The following TMCO4 variants were observed in gnomAD, a reference collection of about 807,000 sequenced individuals.
The protein encoded by TMCO4 is transmembrane and coiled-coil domains 4.
TMCO4 carries 58 observed loss-of-function variants against 64.7 expected under a neutral mutation model. The ratio of observed to expected loss-of-function variants is 0.90; its 90% CI spans 0.73 to 1.12. The LOEUF is 1.12. TMCO4 is among the 50% of genes most tolerant of loss of function. TMCO4 has a pLI of 0.00. For synonymous variants in TMCO4, 325 were observed against 346.1 expected, an observed-to-expected ratio of 0.94 and a Z score of 0.68; for missense variants, 780 against 825.9, an observed-to-expected ratio of 0.94 and a Z score of 0.68.
chr1:19,755,887 C>A, intron 6 of TMCO4, 121 bp from the exon 7 acceptor site: 5 of 1,142,222 alleles, frequency 4.4e-6, no homozygotes, highest in South Asian at 1.5e-5. Context: ...CCATGGGAGC[C>A]AGTCAATGAA....
intron 3 of TMCO4, among the ~76,000 whole-genome samples, chr1:19,784,564 C>T (rs964766700): frequency 6.6e-6 from 1 of 152,062 alleles, no homozygotes; most frequent in Non-Finnish European, 1.5e-5. Context: ...AAGCTAAACT[C>T]AGACCAAATT....
chr1:19,766,906 G>A (rs1353729658), intron 6 of TMCO4, among the ~76,000 whole-genome samples: 1 of 152,144 alleles, frequency 6.6e-6, no homozygotes, highest in African/African-American at 2.4e-5. Context: ...TGATTTGAGG[G>A]TCTACCTACC....
chr1:19,781,278 T>C (rs2043462596), intron 3 of TMCO4, among the ~76,000 whole-genome samples: 1 of 150,350 alleles, frequency 6.7e-6, no homozygotes, highest in African/African-American at 2.4e-5. Flanking sequence ...CTGGGCAACA[T>C]AGTGAGACTC....
intron 2 of TMCO4, among the ~76,000 whole-genome samples, chr1:19,797,361 G>A (rs2044357459): frequency 6.6e-6 from 1 of 152,150 alleles, no homozygotes; most frequent in Non-Finnish European, 1.5e-5. Flanking sequence ...GCTAAAATGT[G>A]AAGAATGAGA....
intron 7 of TMCO4, among the ~76,000 whole-genome samples, chr1:19,751,839 G>A (rs972052896): frequency 2.0e-5 from 3 of 152,110 alleles, no homozygotes; most frequent in Non-Finnish European, 4.4e-5. Flanking sequence ...ACGAGGTCAG[G>A]AGATCGAGAC....
rs1279681241 is a variant in TMCO4, at chr1:19,734,501, C to T, written c.1264+2871G>A. Among the ~76,000 whole-genome samples, 1 of 152,148 alleles carries T rather than the reference C, an allele frequency of 6.6e-6. No individual in the cohort carries two copies. Among genetic ancestry groups the T allele is most frequent in the Non-Finnish European group, 1.5e-5 (1 of 68,002 alleles). On this transcript the variant is annotated intron_variant, in intron 13 of 15. Coordinates refer to ENST00000294543, the MANE Select transcript of TMCO4 (RefSeq NM_181719.7). The surrounding 1 kb of genome is among the most constrained non-coding windows in gnomAD (Gnocchi z 4.4). The stretch of plus-strand genomic sequence containing the variant: ...ACTCATTCACTCCACAGTTTAAAGA[C>T]CTCAATCTTTCCCCAGCGTTGAACC...
rs192102931 is a variant in TMCO4, at chr1:19,799,868, C to T, written c.-193G>A. ...GGGCCCCCTTACCTGGAGGCGGCTG[C>T]GAAGGCAAAGGCGGAGGCGGCAAAA... is the stretch of plus-strand genomic sequence containing the variant. On this transcript the variant is annotated 5_prime_UTR_variant, in exon 1 of 16. Transcript: ENST00000294543. 2,084 of 152,268 alleles carry T rather than the reference C, an allele frequency of 0.014. 46 individuals carry two copies. The highest frequency in any genetic ancestry group is 0.047 in the African/African-American group (1,961 of 41,506). 9.4% of individuals were successfully genotyped at this position (152,268 alleles called of 1,614,324 possible).
chr1:19,777,026 C>CAAAAAAAAAAAAA (rs59722797), intron 4 of TMCO4, among the ~76,000 whole-genome samples: 10 of 82,772 alleles, frequency 1.2e-4, no homozygotes, highest in Admixed American at 1.4e-4. Flanking sequence ...GACACTGTCT[C>CAAAAAAAAAAAAA]AAAAAAAAAA....
intron 1 of TMCO4, among the ~76,000 whole-genome samples, chr1:19,798,422 T>C (rs1165035388): frequency 6.6e-6 from 1 of 152,156 alleles, no homozygotes; most frequent in Non-Finnish European, 1.5e-5. Context: ...GACAACCTAA[T>C]CGATGAACTC....
In TMCO4 at chr1:19,732,410, C is replaced by T. The variant is rs919099846; in HGVS notation, c.1264+4962G>A. 5.9e-5 allele frequency among the ~76,000 whole-genome samples: 9 copies of T among 152,104 alleles called. No homozygotes were observed. The highest frequency in any genetic ancestry group is 2.2e-4 in the African/African-American group (9 of 41,424). On this transcript the variant is annotated intron_variant, in intron 13 of 15. Transcript: ENST00000294543. This position sits in a 1 kb window ranked among gnomAD's most constrained non-coding sequence, Gnocchi z 4.8. Reference sequence around the variant, plus strand: ...TGAACTCCTGGGCTCAAGCAATCCTCCCACCTCAGCCTCCCAAAGTGTTGG... The same window carrying T: ...TGAACTCCTGGGCTCAAGCAATCCTTCCACCTCAGCCTCCCAAAGTGTTGG...
intron 15 of TMCO4, among the ~76,000 whole-genome samples, chr1:19,692,745 C>T (rs2095206327): frequency 6.6e-6 from 1 of 151,184 alleles, no homozygotes. Flanking sequence ...GAAACTCCAC[C>T]TCAAAAATAT....
At chr1:19,776,566 A>G (rs758655674) in intron 4 of TMCO4, among the ~76,000 whole-genome samples, 5 of 152,134 alleles carry the variant, frequency 3.3e-5, no homozygotes, top group African/African-American at 4.8e-5. Context: ...AGACCAACCA[A>G]TATTTGCTTG....
chr1:19,754,705 C>T (rs1325503472), intron 7 of TMCO4, among the ~76,000 whole-genome samples: 1 of 152,138 alleles, frequency 6.6e-6, no homozygotes, highest in Non-Finnish European at 1.5e-5. Context: ...GAGCACCGGC[C>T]AGGTTACCAG....
Position 19,770,549 on chromosome 1 carries a change from G to C in TMCO4, c.375C>G (p.Leu125=). 5 of 1,613,894 alleles carry C rather than the reference G, an allele frequency of 3.1e-6. No homozygotes were observed. The highest frequency in any genetic ancestry group is 4.2e-6 in the Non-Finnish European group (5 of 1,179,882). The change falls in exon 6 of 16, where the codon CTC becomes CTG. Residue 125 remains leucine (L), a synonymous_variant. Coordinates refer to ENST00000294543, the MANE Select transcript of TMCO4 (RefSeq NM_181719.7). ...CTTAGAAAATCAACTTACCATCCTT[G>C]AGTGAGAAGCTCAGAAGGTCCTGAG... ...VITQDLLSFS[L]KDGHYDARAR...
chr1:19,720,309 A>G (rs2095376488), intron 13 of TMCO4, among the ~76,000 whole-genome samples: 1 of 152,146 alleles, frequency 6.6e-6, no homozygotes, highest in African/African-American at 2.4e-5. Flanking sequence ...GGCTCCACTT[A>G]ATTCTTTCAA....
chr1:19,695,144 G>A (rs552674559), intron 14 of TMCO4, among the ~76,000 whole-genome samples: 1 of 152,308 alleles, frequency 6.6e-6, no homozygotes, highest in South Asian at 2.1e-4. Context: ...GGTTGTCCAG[G>A]CAGTCACAGC....
At chr1:19,683,758 CTTTTTTTTTTTTTT>C (rs531431284) in intron 15 of TMCO4, among the ~76,000 whole-genome samples, 8 of 79,050 alleles carry the variant, frequency 1.0e-4, no homozygotes, top group African/African-American at 3.6e-4. Flanking sequence ...TTGTCTGAAG[CTTTTTTTTTTTTTT>C]TTTTTTTTTT....
chr1:19,709,725 T>TG (rs2095321326), intron 13 of TMCO4, among the ~76,000 whole-genome samples: 1 of 151,136 alleles, frequency 6.6e-6, no homozygotes, highest in Non-Finnish European at 1.5e-5. Context: ...TGTTTCTGTT[T>TG]GTTTTTTTTT....
chr1:19,702,235 C>A (rs1251518410), intron 13 of TMCO4, among the ~76,000 whole-genome samples: 1 of 136,646 alleles, frequency 7.3e-6, no homozygotes, highest in Non-Finnish European at 1.5e-5. Context: ...TCCCAAAGTG[C>A]TGGGATTACA....
Sources: gnomAD v4.1 joint callset for allele counts (sites outside exome capture counted in the v4.1 genomes callset) on GRCh38, gnomAD v4.1.1 for gene constraint, Gnocchi (gnomAD v3.1) non-coding constraint, MANE v1.5 for transcripts, NCBI Gene and HGNC (gene_info 2026-07-23, HGNC 2026-07-21) for gene names.